The following GMEB2 variants were observed in gnomAD, a reference collection of about 807,000 sequenced individuals.
GMEB2 encodes glucocorticoid modulatory element binding protein 2.
A neutral mutation model predicts 45.7 loss-of-function variants in GMEB2; 7 were observed. The observed-to-expected ratio is 0.15, with a 90% CI of 0.09 to 0.29. The LOEUF (loss-of-function observed/expected upper bound fraction) is 0.29. Among genes scored for constraint, GMEB2 ranks in the 10% least tolerant of loss-of-function variants. The pLI is 1.00. For missense variants in GMEB2, 582 were observed against 739.2 expected (o/e 0.79, Z 2.47); for synonymous variants, 322 against 323.6 (o/e 1.00, Z 0.05).
At position 63,592,874 on chromosome 20, in the gene GMEB2, G is replaced by T; in HGVS notation, c.691+137C>A. 1.4e-6 allele frequency: 1 copy of T among 723,976 alleles called. No individual in the cohort carries two copies. The allele number at this position is 723,976 out of a possible 1,614,324, so 44.8% of individuals were successfully genotyped here. On this transcript the variant is annotated intron_variant, in intron 7 of 9. Coordinates refer to ENST00000370077, the MANE Select transcript of GMEB2 (RefSeq NM_012384.5). This position sits in a 1 kb window ranked among gnomAD's most constrained non-coding sequence, Gnocchi z 8.2. ...GCCTCAGAGCGCCCACGACAATGCTGCTGGAACCAGGCCTTTCTCCACAAA... is the reference window on the plus strand; with the variant it reads ...GCCTCAGAGCGCCCACGACAATGCTTCTGGAACCAGGCCTTTCTCCACAAA...
At chr20:63,616,567 G>A (rs1370635609) in intron 2 of GMEB2, among the ~76,000 whole-genome samples, 1 of 152,264 alleles carries the variant, frequency 6.6e-6, no homozygotes, top group African/African-American at 2.4e-5. Context: ...GCGCGCAGAC[G>A]CAGAGAGCAG....
chr20:63,619,229 C>A lies in GMEB2; in HGVS notation c.131+38G>T. 2.6e-6 allele frequency: 4 copies of A among 1,539,854 alleles called. No individual in the cohort carries two copies. The highest frequency in any genetic ancestry group is 1.7e-6 in the Non-Finnish European group (2 of 1,143,086). On this transcript the variant is annotated intron_variant, in intron 2 of 9. Transcript: ENST00000370077. The surrounding 1 kb of genome is among the most constrained non-coding windows in gnomAD (Gnocchi z 4.6). ...TGTGCCAAGGACAGCCCAACCCAAG[C>A]CCCCATCAGCCCCAATGGCACCGAG...
chr20:63,598,049 G>C (rs1043767069), intron 4 of GMEB2, among the ~76,000 whole-genome samples, 189 bp from the exon 5 acceptor site: 2 of 152,210 alleles, frequency 1.3e-5, no homozygotes, highest in Non-Finnish European at 2.9e-5. Context: ...GGTGGCTGCA[G>C]TGGGGAGTGG....
At position 63,595,678 on chromosome 20, in the gene GMEB2, C is replaced by A. The variant is rs767176532; in HGVS notation, c.551G>T (p.Gly184Val). The change falls in exon 6 of 10, where the codon GGA (glycine) becomes GTA (valine). Residue 184 changes from glycine (G) to valine (V), a missense_variant. This residue lies in a region of GMEB2 where 462 missense variants were observed against 586.7 expected (regional missense o/e 0.79). Transcript: ENST00000370077. ...TCRSTKIDLS[G>V]ARVSLSSPTS... ...GGGGCTGCTCAGGGACACACGGGCT[C>A]CTGAGAGGTCAATCTTTGTGCTGCG... 1.2e-6 allele frequency: 2 copies of A among 1,613,874 alleles called. No homozygotes were observed. The highest frequency in any genetic ancestry group is 1.7e-6 in the Non-Finnish European group (2 of 1,179,920).
At chr20:63,604,163 C>T (rs2089499728) in intron 3 of GMEB2, among the ~76,000 whole-genome samples, 1 of 138,914 alleles carries the variant, frequency 7.2e-6, no homozygotes, top group South Asian at 2.2e-4. Context: ...GCCAGGAGTT[C>T]GAGACCAGCC....
In GMEB2 at chr20:63,592,972, C is replaced by T; in HGVS notation, c.691+39G>A. Reference sequence around the variant, plus strand: ...GGTGGGCAGAGACTCCACCACCCCGCCAGGGCTTGTGAGAAGCCCACAAGG... The same window carrying T: ...GGTGGGCAGAGACTCCACCACCCCGTCAGGGCTTGTGAGAAGCCCACAAGG... On this transcript the variant is annotated intron_variant, in intron 7 of 9. Transcript: ENST00000370077. The surrounding 1 kb of genome is among the most constrained non-coding windows in gnomAD (Gnocchi z 8.2). 7.0e-7 allele frequency: 1 copy of T among 1,435,744 alleles called. No individual in the cohort carries two copies. Among genetic ancestry groups the T allele is most frequent in the Non-Finnish European group, 9.7e-7 (1 of 1,028,376 alleles). The allele number at this position is 1,435,744 out of a possible 1,614,324, so 88.9% of individuals were successfully genotyped here.
chr20:63,589,923 TCC>T lies in GMEB2; in HGVS notation c.*164_*165del. The T allele has an allele frequency of 2.0e-6, 1 of 509,914 alleles. No individual in the cohort carries two copies. Among genetic ancestry groups the T allele is most frequent in the South Asian group, 3.9e-5 (1 of 25,344 alleles). The allele number at this position is 509,914 out of a possible 1,614,324, so 31.6% of individuals were successfully genotyped here. On this transcript the variant is annotated 3_prime_UTR_variant, in exon 10 of 10. Coordinates refer to ENST00000370077, the MANE Select transcript of GMEB2 (RefSeq NM_012384.5). ...TTTCCAGGTTGCTCTCGCTGTTCTGTCCCCTTCTCTCTTCTCGTGATTTGTTT... is the reference window on the plus strand; with the variant it reads ...TTTCCAGGTTGCTCTCGCTGTTCTGTCCTTCTCTCTTCTCGTGATTTGTTT...
At chr20:63,607,647 A>C (rs200232233) in intron 2 of GMEB2, among the ~76,000 whole-genome samples, 8 of 4,700 alleles carry the variant, frequency 1.7e-3, no homozygotes, top group African/African-American at 3.1e-3. Flanking sequence ...CTGACCCCAC[A>C]TCCATTTCTA....
chr20:63,615,313 G>A (rs1245674254), intron 2 of GMEB2, among the ~76,000 whole-genome samples: 1 of 152,080 alleles, frequency 6.6e-6, no homozygotes, highest in African/African-American at 2.4e-5. Flanking sequence ...ACTTTGCGGG[G>A]AAAGAAACTT....
At chr20:63,596,538 A>G (rs966926370) in intron 5 of GMEB2, among the ~76,000 whole-genome samples, 1 of 152,252 alleles carries the variant, frequency 6.6e-6, no homozygotes, top group African/African-American at 2.4e-5. Context: ...CTGTGCCACC[A>G]GCCACGTTCC....
chr20:63,620,529 C>T (rs12480026), intron 1 of GMEB2, among the ~76,000 whole-genome samples: 15,595 of 152,170 alleles, frequency 0.1, 925 homozygotes, highest in African/African-American at 0.12. Flanking sequence ...GCGCCTGGGT[C>T]GTCCCAAGAC....
chr20:63,619,331 C>T lies in GMEB2; in HGVS notation c.67G>A (p.Val23Met). The change falls in exon 2 of 10, where the codon GTG (valine) becomes ATG (methionine). Residue 23 changes from valine to methionine, a missense_variant. Physicochemically the swap from Val to Met is conservative, Grantham distance 21. Transcript: ENST00000370077. This position sits in a 1 kb window ranked among gnomAD's most constrained non-coding sequence, Gnocchi z 4.6. ...VVVVTTPDTA[V>M]DGSGVEGVKT... is the part of the protein sequence containing the mutation. Reference sequence around the variant, plus strand: ...ACCCCCTCCACACCACTGCCGTCCACTGCAGTGTCCGGAGTTGTCACAACC... The same window carrying T: ...ACCCCCTCCACACCACTGCCGTCCATTGCAGTGTCCGGAGTTGTCACAACC... 10 of 1,613,212 alleles carry T rather than the reference C, an allele frequency of 6.2e-6. No individual in the cohort carries two copies. The highest frequency in any genetic ancestry group is 7.6e-6 in the Non-Finnish European group (9 of 1,179,944).
intron 4 of GMEB2, among the ~76,000 whole-genome samples, chr20:63,601,080 C>T (rs991565379): frequency 6.6e-6 from 1 of 152,192 alleles, no homozygotes; most frequent in African/African-American, 2.4e-5. Context: ...TGACTCTGAC[C>T]CCATCATTCC....
At chr20:63,591,228 AAAGTG>A (rs1007203913) in intron 9 of GMEB2, among the ~76,000 whole-genome samples, 6 of 149,574 alleles carry the variant, frequency 4.0e-5, no homozygotes, top group Admixed American at 2.0e-4. Context: ...GTGAACACAC[AAAGTG>A]AAGAGTGAAC....
chr20:63,620,732 T>C (rs1399669123), intron 1 of GMEB2, among the ~76,000 whole-genome samples: 1 of 152,002 alleles, frequency 6.6e-6, no homozygotes, highest in South Asian at 2.1e-4. Context: ...AGCCTGAACC[T>C]AACCAGGTCG....
intron 2 of GMEB2, among the ~76,000 whole-genome samples, chr20:63,606,867 G>A (rs920833267): frequency 2.0e-5 from 3 of 152,206 alleles, no homozygotes; most frequent in African/African-American, 7.2e-5. Flanking sequence ...ACCAGTACAT[G>A]AGGCCACTTT....
intron 4 of GMEB2, among the ~76,000 whole-genome samples, chr20:63,599,216 A>AC (rs1173802182): frequency 1.3e-5 from 2 of 149,004 alleles, no homozygotes; most frequent in Non-Finnish European, 3.0e-5. Context: ...GCCGCTCCTG[A>AC]CCCCCCGGAG....
intron 2 of GMEB2, among the ~76,000 whole-genome samples, chr20:63,607,814 CA>C (rs766705920): frequency 1.1e-4 from 2 of 18,952 alleles, no homozygotes; most frequent in East Asian, 6.0e-4. Context: ...CCCTCTGACC[CA>C]CACCTCCATT....
Position 63,592,199 on chromosome 20 carries a change from C to G in GMEB2, c.830-55G>C. 6.4e-7 allele frequency: 1 copy of G among 1,561,378 alleles called. No homozygotes were observed. The highest frequency in any genetic ancestry group is 8.7e-7 in the Non-Finnish European group (1 of 1,148,076). On this transcript the variant is annotated intron_variant, in intron 8 of 9. Coordinates refer to ENST00000370077, the MANE Select transcript of GMEB2 (RefSeq NM_012384.5). The surrounding 1 kb of genome is among the most constrained non-coding windows in gnomAD (Gnocchi z 8.2). ...AGCCCAAGCCCTTCCTAGAGAGCCACGCGGACGCTCGGTGAGAGCCCGGGA... is the reference window on the plus strand; with the variant it reads ...AGCCCAAGCCCTTCCTAGAGAGCCAGGCGGACGCTCGGTGAGAGCCCGGGA...
Sources: allele counts gnomAD v4.1 joint callset (sites outside exome capture counted in the v4.1 genomes callset), GRCh38; gene constraint gnomAD v4.1.1; regional missense constraint gnomAD v4.1.1; non-coding constraint Gnocchi (gnomAD v3.1); transcripts MANE v1.5; gene names NCBI Gene and HGNC (gene_info 2026-07-23, HGNC 2026-07-21).